STAG1: variants seen among roughly 807,000 people sequenced by gnomAD.
STAG1 encodes the protein cohesin subunit SA-1.
In STAG1, 26 loss-of-function variants were observed where a neutral mutation model predicts 170.9. The observed-to-expected ratio is 0.15, with a 90% CI of 0.11 to 0.21. The LOEUF is 0.21. STAG1 is among the 10% of genes least tolerant of loss of function. The pLI, the probability that STAG1 is intolerant of heterozygous loss-of-function variation, is 1.00. For synonymous variants in STAG1, 514 were observed against 497.7 expected (o/e 1.03, Z -0.44); for missense variants, 964 against 1,509.5 (o/e 0.64, Z 5.99).
intron 21 of STAG1, among the ~76,000 whole-genome samples, chr3:136,408,486 T>G (rs982352349): frequency 4.8e-5 from 3 of 62,478 alleles, no homozygotes; most frequent in East Asian, 6.0e-3. Flanking sequence ...AGTTACTGTG[T>G]TTTTTTTTTG....
intron 7 of STAG1, 97 bp from the exon 8 acceptor site, chr3:136,502,876 G>C (rs989241266): frequency 1.0e-6 from 1 of 971,218 alleles, no homozygotes. Flanking sequence ...AATGAAACTA[G>C]TGAATTTCTG....
intron 9 of STAG1, among the ~76,000 whole-genome samples, chr3:136,496,595 T>C (rs1418027376): frequency 2.0e-5 from 3 of 152,138 alleles, no homozygotes; most frequent in Non-Finnish European, 4.4e-5. Flanking sequence ...AGACAGTATT[T>C]TGAACTAAAT....
chr3:136,526,319 T>C (rs1935025128), intron 6 of STAG1, among the ~76,000 whole-genome samples: 2 of 152,252 alleles, frequency 1.3e-5, no homozygotes, highest in South Asian at 4.1e-4. Context: ...TTAGCTCTTC[T>C]TGTTGACTTG....
chr3:136,572,890 C>A (rs1937321419), intron 4 of STAG1, among the ~76,000 whole-genome samples: 1 of 152,174 alleles, frequency 6.6e-6, no homozygotes, highest in Non-Finnish European at 1.5e-5. Flanking sequence ...AAGAACTAAA[C>A]TCCAGGCCAG....
intron 7 of STAG1, chr3:136,518,486 G>T: frequency 9.1e-6 from 6 of 662,554 alleles, no homozygotes; most frequent in Non-Finnish European, 1.6e-5. Context: ...ATAAGAAGAG[G>T]GCAAAGATGA....
intron 32 of STAG1, among the ~76,000 whole-genome samples, chr3:136,340,163 T>C (rs1935909553): frequency 1.3e-5 from 2 of 152,194 alleles, no homozygotes; most frequent in African/African-American, 4.8e-5. Context: ...AATTTTTTTT[T>C]GTTTTTCTGA....
chr3:136,733,084 CTTTTTTTTT>C (rs55935142), intron 1 of STAG1, among the ~76,000 whole-genome samples: 1 of 128,304 alleles, frequency 7.8e-6, no homozygotes, highest in African/African-American at 2.9e-5. Flanking sequence ...TAAAACCTAA[CTTTTTTTTT>C]TTTTTTTTTT....
chr3:136,477,243 T>C, intron 10 of STAG1, 46 bp downstream of exon 10: 3 of 1,548,732 alleles, frequency 1.9e-6, no homozygotes, highest in Non-Finnish European at 2.6e-6. Flanking sequence ...ATTTTAGTAC[T>C]GAGACAAACA....
At chr3:136,503,991 C>T (rs1933627589) in intron 7 of STAG1, among the ~76,000 whole-genome samples, 1 of 152,292 alleles carries the variant, frequency 6.6e-6, no homozygotes, top group Non-Finnish European at 1.5e-5. Flanking sequence ...CCCACCTTGG[C>T]CTCCCAAAGT....
chr3:136,363,739 G>C (rs1936968568), intron 25 of STAG1, among the ~76,000 whole-genome samples: 1 of 152,148 alleles, frequency 6.6e-6, no homozygotes, highest in Non-Finnish European at 1.5e-5. Context: ...TCCAGGAAGA[G>C]AGGTGGTGAG....
At chr3:136,369,846 T>C (rs1268655551) in intron 23 of STAG1, among the ~76,000 whole-genome samples, 3 of 152,180 alleles carry the variant, frequency 2.0e-5, no homozygotes, top group Non-Finnish European at 4.4e-5. Context: ...AAGCTTGTAA[T>C]GGAGCTGAAA....
chr3:136,416,577 C>T lies in STAG1; in HGVS notation c.2196+1308G>A, dbSNP rs191930358. Among the ~76,000 whole-genome samples the T allele has an allele frequency of 1.6e-3, 239 of 152,300 alleles. 2 individuals carry two copies. Among genetic ancestry groups the T allele is most frequent in the African/African-American group, 5.5e-3 (229 of 41,562 alleles). ...AGGATAAAAAGAATATCTTAACTCT[C>T]TCATTCACTTTCAACTTAGAAGCAT... On this transcript the variant is annotated intron_variant, in intron 21 of 33. Coordinates refer to ENST00000383202, the MANE Select transcript of STAG1 (RefSeq NM_005862.3).
intron 1 of STAG1, among the ~76,000 whole-genome samples, chr3:136,718,117 A>G (rs1173721334): frequency 2.0e-5 from 3 of 152,248 alleles, no homozygotes; most frequent in Non-Finnish European, 4.4e-5. Flanking sequence ...GTAAAAAGAA[A>G]TTGAAATTTT....
chr3:136,397,601 C>T (rs2087203765), intron 22 of STAG1, among the ~76,000 whole-genome samples: 1 of 152,048 alleles, frequency 6.6e-6, no homozygotes, highest in South Asian at 2.1e-4. Context: ...ATCCCCCAGC[C>T]CCTGAAGGAA....
chr3:136,582,620 G>A (rs995927906), intron 4 of STAG1, among the ~76,000 whole-genome samples: 10 of 152,112 alleles, frequency 6.6e-5, no homozygotes, highest in East Asian at 5.8e-4. Context: ...CCAATGTGGC[G>A]AAACGCCATC....
chr3:136,443,754 T>C (rs1375134145), intron 14 of STAG1, among the ~76,000 whole-genome samples: 3 of 129,756 alleles, frequency 2.3e-5, no homozygotes. Flanking sequence ...ACTATCTTTA[T>C]TTTTATTTTT....
At chr3:136,620,985 G>A (rs1326894165) in intron 3 of STAG1, among the ~76,000 whole-genome samples, 1 of 152,126 alleles carries the variant, frequency 6.6e-6, no homozygotes, top group Admixed American at 6.6e-5. Context: ...AAAATTAGCT[G>A]GGTGTGGTGG....
chr3:136,376,428 T>A (rs1576405200), intron 23 of STAG1, among the ~76,000 whole-genome samples: 1 of 151,692 alleles, frequency 6.6e-6, no homozygotes. Flanking sequence ...CTACAAGAGA[T>A]GAGGAATCTA....
chr3:136,633,121 T>C (rs1940396288), intron 1 of STAG1, among the ~76,000 whole-genome samples: 2 of 152,156 alleles, frequency 1.3e-5, no homozygotes, highest in Admixed American at 6.5e-5. Context: ...AGTGAAAACA[T>C]TTTAATATTC....
Sources: gnomAD v4.1 joint callset for allele counts (sites outside exome capture counted in the v4.1 genomes callset) on GRCh38, gnomAD v4.1.1 for gene constraint, MANE v1.5 for transcripts, NCBI Gene and HGNC (gene_info 2026-07-23, HGNC 2026-07-21) for gene names.